Variants in CADM1 observed in about 807,000 individuals in gnomAD.
The protein encoded by CADM1 is cell adhesion molecule 1.
A neutral mutation model predicts 53.1 loss-of-function variants in CADM1; 15 were observed. That is an observed-to-expected ratio of 0.28 (90% CI 0.19 to 0.44). The LOEUF (loss-of-function observed/expected upper bound fraction) is 0.44, where lower values mean the gene tolerates loss of function less well. Ranked by LOEUF, CADM1 falls within the 20% of genes least tolerant of loss-of-function variation. CADM1 has a pLI of 1.00. For missense variants in CADM1, 434 were observed against 611.3 expected (o/e 0.71, Z 3.06); for synonymous variants, 281 against 243.0 (o/e 1.16, Z -1.45).
In CADM1 at chr11:115,253,049, T is replaced by C. The variant is rs775578684; in HGVS notation, c.125-12629A>G. On this transcript the variant is annotated intron_variant, in intron 1 of 11. Transcript: ENST00000331581. ...AAAAAGAATTGTCTTGGGTCACACATAAAATACACTAACACTGATGACCCC... is the reference window on the plus strand; with the variant it reads ...AAAAAGAATTGTCTTGGGTCACACACAAAATACACTAACACTGATGACCCC... 7.2e-5 allele frequency among the ~76,000 whole-genome samples: 11 copies of C among 152,154 alleles called. 1 individual carries two copies. The highest frequency in any genetic ancestry group is 1.7e-4 in the African/African-American group (7 of 41,440).
intron 1 of CADM1, among the ~76,000 whole-genome samples, chr11:115,298,547 CTT>C (rs1438582500): frequency 1.3e-5 from 2 of 152,154 alleles, no homozygotes; most frequent in Non-Finnish European, 2.9e-5. Flanking sequence ...TTGTAAGAGA[CTT>C]TAGCTCCGTA....
At chr11:115,428,180 T>C (rs1314621397) in intron 1 of CADM1, among the ~76,000 whole-genome samples, 1 of 152,080 alleles carries the variant, frequency 6.6e-6, no homozygotes, top group Non-Finnish European at 1.5e-5. Context: ...CAAATATTTA[T>C]GAAAAAACGT....
chr11:115,499,275 G>C (rs2135443273), intron 1 of CADM1, among the ~76,000 whole-genome samples: 1 of 152,230 alleles, frequency 6.6e-6, no homozygotes, highest in South Asian at 2.1e-4. Flanking sequence ...ATAAAAAACT[G>C]TAGAAATCTA....
intron 1 of CADM1, among the ~76,000 whole-genome samples, chr11:115,276,026 CAGA>C (rs917124059): frequency 6.6e-5 from 10 of 152,200 alleles, no homozygotes; most frequent in Admixed American, 2.6e-4. Context: ...CTCATAGCTT[CAGA>C]AGGAGAAAAG....
At chr11:115,353,723 A>C (rs1459532400) in intron 1 of CADM1, among the ~76,000 whole-genome samples, 1 of 152,142 alleles carries the variant, frequency 6.6e-6, no homozygotes, top group Non-Finnish European at 1.5e-5. Context: ...CTGGAGGTTC[A>C]GGGAGTGGTA....
At chr11:115,182,247 G>T (rs1201724461) in intron 10 of CADM1, among the ~76,000 whole-genome samples, 2 of 152,186 alleles carry the variant, frequency 1.3e-5, no homozygotes, top group African/African-American at 4.8e-5. Flanking sequence ...AAAAATAAAT[G>T]TGGGAGTGGA....
intron 1 of CADM1, among the ~76,000 whole-genome samples, chr11:115,337,987 T>C (rs892986004): frequency 6.6e-6 from 1 of 152,162 alleles, no homozygotes; most frequent in Non-Finnish European, 1.5e-5. Context: ...GGTAGCATAC[T>C]GGTTGGCCCT....
intron 1 of CADM1, among the ~76,000 whole-genome samples, chr11:115,344,866 G>A (rs1306063011): frequency 1.3e-5 from 2 of 152,082 alleles, no homozygotes; most frequent in Non-Finnish European, 2.9e-5. Context: ...CCCATTACGT[G>A]TCTACAGATA....
chr11:115,294,031 G>C (rs1262254783), intron 1 of CADM1, among the ~76,000 whole-genome samples: 1 of 152,128 alleles, frequency 6.6e-6, no homozygotes, highest in Non-Finnish European at 1.5e-5. Flanking sequence ...ATTCATGATG[G>C]CTTCCTGATA....
chr11:115,252,450 C>T (rs979527267), intron 1 of CADM1, among the ~76,000 whole-genome samples: 3 of 151,994 alleles, frequency 2.0e-5, no homozygotes, highest in African/African-American at 7.3e-5. Flanking sequence ...TGTTTTAATT[C>T]TAAGGCTAAC....
At chr11:115,436,056 GC>G (rs1948176380) in intron 1 of CADM1, among the ~76,000 whole-genome samples, 1 of 152,148 alleles carries the variant, frequency 6.6e-6, no homozygotes. Flanking sequence ...ACTAACCTAC[GC>G]CATGGTGACA....
chr11:115,493,422 T>G (rs946886374), intron 1 of CADM1, among the ~76,000 whole-genome samples: 2 of 152,140 alleles, frequency 1.3e-5, no homozygotes, highest in African/African-American at 4.8e-5. Context: ...AGACAAGGTT[T>G]ACCAATGCTG....
chr11:115,306,072 C>CACACACACACACACACACACACACACA (rs1555060496), intron 1 of CADM1, among the ~76,000 whole-genome samples: 1 of 130,390 alleles, frequency 7.7e-6, no homozygotes, highest in African/African-American at 2.9e-5. Context: ...AGGATATATA[C>CACACACACACACACACACACACACACA]CACACACACA....
intron 8 of CADM1, among the ~76,000 whole-genome samples, chr11:115,206,755 C>CTTTTTTTTTTTTTTT (rs1194703150): frequency 3.7e-4 from 2 of 5,440 alleles, no homozygotes; most frequent in Middle Eastern, 0.083. Flanking sequence ...TGACTGTGGA[C>CTTTTTTTTTTTTTTT]TTCTTTTTTT....
chr11:115,215,854 A>C (rs952421297), intron 6 of CADM1, among the ~76,000 whole-genome samples: 2 of 152,338 alleles, frequency 1.3e-5, no homozygotes, highest in Admixed American at 1.3e-4. Flanking sequence ...AGCTGCCTCT[A>C]GGAGCAGCGA....
At chr11:115,188,965 A>G (rs1939710840) in intron 10 of CADM1, among the ~76,000 whole-genome samples, 1 of 152,078 alleles carries the variant, frequency 6.6e-6, no homozygotes, top group South Asian at 2.1e-4. Context: ...ATCAATAGTA[A>G]TTGATTAATC....
chr11:115,427,563 A>G (rs1302605928), intron 1 of CADM1, among the ~76,000 whole-genome samples: 1 of 152,238 alleles, frequency 6.6e-6, no homozygotes, highest in East Asian at 1.9e-4. Flanking sequence ...GGGGGCAAAC[A>G]TAGAAGAATA....
At chr11:115,310,846 C>T (rs953325249) in intron 1 of CADM1, among the ~76,000 whole-genome samples, 3 of 152,046 alleles carry the variant, frequency 2.0e-5, no homozygotes, top group Admixed American at 6.6e-5. Flanking sequence ...GTGTCTGACC[C>T]AGAAATACAC....
chr11:115,259,982 G>C lies in CADM1; in HGVS notation c.125-19562C>G, dbSNP rs141703861. The stretch of plus-strand genomic sequence containing the variant: ...ACTGGGTCACCCCAGCTGAAGTGCA[G>C]AGGTGCTATCATAGCTCACTGGAGC... On this transcript the variant is annotated intron_variant, in intron 1 of 11. Transcript: ENST00000331581. Among the ~76,000 whole-genome samples the C allele has an allele frequency of 7.3e-4, 111 of 152,298 alleles. 1 individual carries two copies. Among genetic ancestry groups the C allele is most frequent in the African/African-American group, 2.5e-3 (102 of 41,552 alleles).
Sources: gnomAD v4.1 joint callset for allele counts (sites outside exome capture counted in the v4.1 genomes callset) on GRCh38, gnomAD v4.1.1 for gene constraint, MANE v1.5 for transcripts, NCBI Gene and HGNC (gene_info 2026-07-23, HGNC 2026-07-21) for gene names.